Variants in ARHGEF11 observed in about 807,000 individuals in gnomAD.
ARHGEF11 encodes Rho guanine exchange factor (GEF) 11.
In ARHGEF11, 55 loss-of-function variants were observed where a neutral mutation model predicts 193.7. The ratio of observed to expected loss-of-function variants is 0.28; its 90% CI spans 0.23 to 0.36. The LOEUF (loss-of-function observed/expected upper bound fraction) is 0.36, where lower values mean the gene tolerates loss of function less well. Among genes scored for constraint, ARHGEF11 ranks in the 10% least tolerant of loss-of-function variants. The probability of loss-of-function intolerance (pLI) is 1.00; values close to 1 mark genes in which losing one functional copy is unlikely to be tolerated. For synonymous variants in ARHGEF11, 693 were observed against 768.0 expected (o/e 0.90, Z 1.62); for missense variants, 1,723 against 2,005.6 (o/e 0.86, Z 2.69).
chr1:157,002,482 C>T (rs1245839664), intron 1 of ARHGEF11, among the ~76,000 whole-genome samples: 1 of 152,188 alleles, frequency 6.6e-6, no homozygotes, highest in Non-Finnish European at 1.5e-5. Context: ...TCAAGTAGTA[C>T]TGTCTCTAGT....
At chr1:157,018,680 A>T (rs1669595674) in intron 1 of ARHGEF11, among the ~76,000 whole-genome samples, 1 of 152,102 alleles carries the variant, frequency 6.6e-6, no homozygotes, top group Admixed American at 6.5e-5. Flanking sequence ...AAAAAGACCT[A>T]GAATACTAAA....
At chr1:156,943,478 G>C (rs1657501219) in intron 32 of ARHGEF11, among the ~76,000 whole-genome samples, 1 of 152,184 alleles carries the variant, frequency 6.6e-6, no homozygotes, top group African/African-American at 2.4e-5. Context: ...TTGCTCCAGA[G>C]CCCTTTCTCA....
chr1:157,016,767 CTT>C (rs1410494313), intron 1 of ARHGEF11, among the ~76,000 whole-genome samples: 1 of 152,004 alleles, frequency 6.6e-6, no homozygotes, highest in South Asian at 2.1e-4. Context: ...TCATCCTACT[CTT>C]GTTTGAAATT....
chr1:156,982,803 C>G (rs1664375831), intron 3 of ARHGEF11, among the ~76,000 whole-genome samples: 1 of 152,112 alleles, frequency 6.6e-6, no homozygotes, highest in South Asian at 2.1e-4. Flanking sequence ...GTCCAGGAAC[C>G]CTGAGAAATA....
At chr1:156,951,800 G>A in intron 21 of ARHGEF11, 101 bp from the exon 22 acceptor site, 20 of 1,485,688 alleles carry the variant, frequency 1.3e-5, no homozygotes, top group Non-Finnish European at 1.8e-5. Flanking sequence ...CAATGAGCAA[G>A]CGTGGATGAG....
chr1:157,044,455 T>C lies in ARHGEF11; in HGVS notation c.-125A>G. 7.1e-6 allele frequency: 6 copies of C among 850,010 alleles called. No homozygotes were observed. The highest frequency in any genetic ancestry group is 6.8e-5 in the South Asian group (5 of 74,034). The allele number at this position is 850,010 out of a possible 1,614,324, so 52.7% of individuals were successfully genotyped here. On this transcript the variant is annotated 5_prime_UTR_variant, in exon 1 of 41. Transcript: ENST00000368194. ...CCCAACTTGAAGATAGAATCCTTTC[T>C]CCTCCAGCTCTCAGGACCCTGGTAA... is the stretch of plus-strand genomic sequence containing the variant.
intron 28 of ARHGEF11, among the ~76,000 whole-genome samples, chr1:156,946,451 G>A (rs1406687494): frequency 1.3e-5 from 2 of 152,240 alleles, no homozygotes; most frequent in African/African-American, 4.8e-5. Context: ...GCTGGTGGGT[G>A]AGCCAGGCCT....
intron 1 of ARHGEF11, among the ~76,000 whole-genome samples, chr1:157,042,851 T>G (rs1389240456): frequency 1.3e-5 from 2 of 152,058 alleles, no homozygotes; most frequent in Non-Finnish European, 2.9e-5. Flanking sequence ...ATTCTCAAAC[T>G]CCAAGAGGAT....
intron 10 of ARHGEF11, among the ~76,000 whole-genome samples, chr1:156,968,427 C>G (rs1662022313): frequency 6.6e-6 from 1 of 152,146 alleles, no homozygotes; most frequent in Non-Finnish European, 1.5e-5. Context: ...TGGACTTAAC[C>G]CAGGCAGCCT....
At chr1:156,958,654 GA>G in intron 17 of ARHGEF11, 87 bp downstream of exon 17, 1 of 1,564,170 alleles carries the variant, frequency 6.4e-7, no homozygotes, top group Non-Finnish European at 8.7e-7. Flanking sequence ...AGAAGTGGAA[GA>G]GGGGGAGAGG....
chr1:157,007,277 T>C (rs1047204337), intron 1 of ARHGEF11, among the ~76,000 whole-genome samples: 6 of 151,934 alleles, frequency 3.9e-5, no homozygotes, highest in African/African-American at 1.5e-4. Flanking sequence ...TGGCTGGGGA[T>C]AGATGGTTAT....
intron 15 of ARHGEF11, among the ~76,000 whole-genome samples, chr1:156,959,550 C>T (rs1051684190): frequency 2.0e-5 from 3 of 152,176 alleles, no homozygotes; most frequent in African/African-American, 7.2e-5. Flanking sequence ...ACCTGAGCTC[C>T]CCAGTAGAAA....
intron 18 of ARHGEF11, 133 bp from the exon 19 acceptor site, chr1:156,956,697 A>T: frequency 1.5e-6 from 2 of 1,350,602 alleles, no homozygotes; most frequent in Non-Finnish European, 2.0e-6. Flanking sequence ...AAAAGTCTAG[A>T]ATAATTAAAT....
intron 35 of ARHGEF11, 137 bp from the exon 36 acceptor site, chr1:156,940,562 C>G (rs1241950580): frequency 2.9e-6 from 2 of 700,098 alleles, no homozygotes; most frequent in African/African-American, 3.6e-5. Flanking sequence ...TTCCCATGGC[C>G]AGCACTGTCC....
At chr1:156,945,999 G>T in intron 29 of ARHGEF11, 46 bp downstream of exon 29, 1 of 1,500,320 alleles carries the variant, frequency 6.7e-7, no homozygotes, top group Non-Finnish European at 9.2e-7. Flanking sequence ...TGAGGGTCTG[G>T]CACGAGGCCC....
chr1:157,035,880 G>T (rs1244890123), intron 1 of ARHGEF11, among the ~76,000 whole-genome samples: 1 of 134,366 alleles, frequency 7.4e-6, no homozygotes, highest in Non-Finnish European at 1.6e-5. Flanking sequence ...AATATATATA[G>T]GAATATATAT....
chr1:156,959,242 A>G, intron 15 of ARHGEF11, 100 bp from the exon 16 acceptor site: 1 of 960,602 alleles, frequency 1.0e-6, no homozygotes, highest in Non-Finnish European at 1.6e-6. Flanking sequence ...TCCCTATGAC[A>G]CTGGGAGGAA....
At chr1:156,954,774 AAGGG>A in intron 21 of ARHGEF11, 114 bp downstream of exon 21, 2 of 880,006 alleles carry the variant, frequency 2.3e-6, no homozygotes, top group Non-Finnish European at 3.7e-6. Flanking sequence ...AGAAGAAAGA[AAGGG>A]AGGGAGGAGG....
At chr1:156,937,697 T>C (rs1320204180) in intron 38 of ARHGEF11, among the ~76,000 whole-genome samples, 1 of 152,136 alleles carries the variant, frequency 6.6e-6, no homozygotes, top group Non-Finnish European at 1.5e-5. Flanking sequence ...TGACACTTGC[T>C]CAGTCTGGCC....
Sources: gnomAD v4.1 joint callset for allele counts (sites outside exome capture counted in the v4.1 genomes callset) on GRCh38, gnomAD v4.1.1 for gene constraint, MANE v1.5 for transcripts, NCBI Gene and HGNC (gene_info 2026-07-23, HGNC 2026-07-21) for gene names.